Variants in RBFOX1 observed in about 807,000 individuals in gnomAD.
The protein encoded by RBFOX1 is RNA binding protein fox-1 homolog 1.
In RBFOX1, 8 loss-of-function variants were observed where a neutral mutation model predicts 57.7. The observed-to-expected ratio is 0.14, with a 90% CI of 0.08 to 0.25. The LOEUF (loss-of-function observed/expected upper bound fraction) is 0.25. Ranked by LOEUF, RBFOX1 falls within the 10% of genes least tolerant of loss-of-function variation. The pLI, the probability that RBFOX1 is intolerant of heterozygous loss-of-function variation, is 1.00. For synonymous variants in RBFOX1, 326 were observed against 222.4 expected, an observed-to-expected ratio of 1.47 and a Z score of -4.15; for missense variants, 611 against 548.5, an observed-to-expected ratio of 1.11 and a Z score of -1.14.
At chr16:7,399,213 C>G (rs183828940) in intron 4 of RBFOX1, among the ~76,000 whole-genome samples, 3 of 152,168 alleles carry the variant, frequency 2.0e-5, no homozygotes, top group African/African-American at 4.8e-5. Flanking sequence ...TTTGGGAGGC[C>G]GAAGCAGGTG....
At chr16:6,984,510 C>T (rs2089776606) in intron 3 of RBFOX1, among the ~76,000 whole-genome samples, 1 of 152,156 alleles carries the variant, frequency 6.6e-6, no homozygotes, top group South Asian at 2.1e-4. Context: ...CTAAAGTCTC[C>T]TCACCTTTAG....
At chr16:7,269,917 A>G (rs1291090465) in intron 4 of RBFOX1, among the ~76,000 whole-genome samples, 2 of 152,210 alleles carry the variant, frequency 1.3e-5, no homozygotes, top group Admixed American at 6.5e-5. Flanking sequence ...CATTACCAAC[A>G]TTATTTGGTA....
At chr16:6,061,261 C>G (rs2095682750) in intron 1 of RBFOX1, among the ~76,000 whole-genome samples, 2 of 152,224 alleles carry the variant, frequency 1.3e-5, no homozygotes, top group South Asian at 2.1e-4. Context: ...GCGAAGTTAC[C>G]AAACATATAT....
At position 7,398,331 on chromosome 16, in the gene RBFOX1, T is replaced by C. The variant is rs1597420973; in HGVS notation, c.28-119816T>C. On this transcript the variant is annotated intron_variant, in intron 4 of 15. Transcript: ENST00000550418. ...AGTTTGCTGGACCTCACTTTCTTCA[T>C]CTGTAAGATGGGGACAGAGAACTAT... Among the ~76,000 whole-genome samples, 3 of 152,326 alleles carry C rather than the reference T, an allele frequency of 2.0e-5. No homozygotes were observed. In the East Asian group the frequency reaches 5.8e-4, roughly 29 times the overall value.
At chr16:5,493,429 C>G (rs1038102275) in intron 2 of RBFOX1, among the ~76,000 whole-genome samples, 1 of 152,124 alleles carries the variant, frequency 6.6e-6, no homozygotes, top group Non-Finnish European at 1.5e-5. Flanking sequence ...TGAAAAAGGC[C>G]TACCTGAGAT....
chr16:5,385,347 G>C (rs1341164276), intron 1 of RBFOX1, among the ~76,000 whole-genome samples: 1 of 152,176 alleles, frequency 6.6e-6, no homozygotes, highest in Non-Finnish European at 1.5e-5. Flanking sequence ...TACTTGTAAT[G>C]TCCATTGTCC....
chr16:7,489,065 C>A (rs77416808), intron 4 of RBFOX1, among the ~76,000 whole-genome samples: 1 of 152,094 alleles, frequency 6.6e-6, no homozygotes, highest in African/African-American at 2.4e-5. Flanking sequence ...TGAATCTCAG[C>A]GTGTCTGTCT....
chr16:7,070,388 G>A (rs73538777), intron 4 of RBFOX1, among the ~76,000 whole-genome samples: 1 of 152,052 alleles, frequency 6.6e-6, no homozygotes, highest in Non-Finnish European at 1.5e-5. Flanking sequence ...ATGCACCCAC[G>A]CATACACAGA....
intron 2 of RBFOX1, among the ~76,000 whole-genome samples, chr16:6,616,447 C>T (rs1452191342): frequency 1.3e-5 from 2 of 151,596 alleles, no homozygotes; most frequent in Non-Finnish European, 2.9e-5. Context: ...GAGGCCGAGG[C>T]GGGTGGATCA....
At chr16:5,878,782 C>T (rs981936032) in intron 4 of RBFOX1, among the ~76,000 whole-genome samples, 4 of 151,990 alleles carry the variant, frequency 2.6e-5, no homozygotes, top group African/African-American at 7.3e-5. Context: ...GTGTTTAGAT[C>T]GTTTCTGGTA....
chr16:7,322,308 T>G (rs1177215676), intron 4 of RBFOX1, among the ~76,000 whole-genome samples: 1 of 152,240 alleles, frequency 6.6e-6, no homozygotes, highest in Non-Finnish European at 1.5e-5. Flanking sequence ...TTGACCTTCT[T>G]GCCACCTTGA....
intron 1 of RBFOX1, among the ~76,000 whole-genome samples, chr16:5,390,555 C>G (rs892970943): frequency 6.6e-6 from 1 of 152,148 alleles, no homozygotes; most frequent in African/African-American, 2.4e-5. Flanking sequence ...TCCCAAAGTG[C>G]TGGGTTTGCA....
intron 3 of RBFOX1, among the ~76,000 whole-genome samples, chr16:6,921,997 A>G (rs1046365592): frequency 1.3e-5 from 2 of 152,138 alleles, no homozygotes; most frequent in Non-Finnish European, 2.9e-5. Flanking sequence ...AACTAGCACA[A>G]TGCCTAACAC....
rs568892138 is a variant in RBFOX1 at position 6,635,741 on chromosome 16, A to AT, written c.-63-18857dup. 1.3e-3 allele frequency among the ~76,000 whole-genome samples: 200 copies of AT among 152,184 alleles called. 1 individual carries two copies. The highest frequency in any genetic ancestry group is 4.4e-3 in the African/African-American group (183 of 41,538). On this transcript the variant is annotated intron_variant, in intron 2 of 15. Coordinates refer to ENST00000550418, the MANE Select transcript of RBFOX1 (RefSeq NM_018723.4). ...CATGCTGCCTAAGAGAGATCAATTTATTTTTATTTATTTTACCCAACATAA... is the reference window on the plus strand; with the variant it reads ...CATGCTGCCTAAGAGAGATCAATTTATTTTTTATTTATTTTACCCAACATAA...
At chr16:6,636,844 A>ATATATGT (rs2098439738) in intron 2 of RBFOX1, among the ~76,000 whole-genome samples, 2 of 71,778 alleles carry the variant, frequency 2.8e-5, no homozygotes, top group Admixed American at 1.7e-4. Flanking sequence ...ATAATATATA[A>ATATATGT]TATATATAAT....
At chr16:7,313,880 G>A (rs372373756) in intron 4 of RBFOX1, among the ~76,000 whole-genome samples, 1 of 152,168 alleles carries the variant, frequency 6.6e-6, no homozygotes, top group Non-Finnish European at 1.5e-5. Context: ...GTGCCGGCCA[G>A]TGGCTGGTTC....
intron 1 of RBFOX1, among the ~76,000 whole-genome samples, chr16:5,357,739 C>G (rs1240966324): frequency 1.3e-5 from 2 of 152,224 alleles, no homozygotes; most frequent in African/African-American, 2.4e-5. Flanking sequence ...GAGGACACAA[C>G]TGTTCTGTTA....
intron 2 of RBFOX1, among the ~76,000 whole-genome samples, chr16:6,521,089 C>T (rs547164395): frequency 1.1e-4 from 17 of 151,998 alleles, no homozygotes; most frequent in African/African-American, 3.4e-4. Flanking sequence ...TAGCGGCTGA[C>T]GACAATCAGG....
chr16:5,922,076 A>T (rs753091288), intron 4 of RBFOX1, among the ~76,000 whole-genome samples: 1 of 152,106 alleles, frequency 6.6e-6, no homozygotes, highest in Non-Finnish European at 1.5e-5. Context: ...TAGGAGGATC[A>T]CTTGAGTCCA....
Sources: allele counts gnomAD v4.1 joint callset (sites outside exome capture counted in the v4.1 genomes callset), GRCh38; gene constraint gnomAD v4.1.1; transcripts MANE v1.5; gene names NCBI Gene and HGNC (gene_info 2026-07-23, HGNC 2026-07-21).